Variants in IMMP2L observed in about 807,000 individuals in gnomAD.
IMMP2L encodes inner mitochondrial membrane peptidase subunit 2, also known as mitochondrial inner membrane protease subunit 2.
Under a neutral mutation model 19.3 loss-of-function variants are expected in IMMP2L, and 18 were observed. That is an observed-to-expected ratio of 0.93 (90% confidence interval 0.64 to 1.38). The LOEUF is 1.38. Among genes scored for constraint, IMMP2L ranks in the 40% most tolerant of loss-of-function variants. The pLI is 0.00. For synonymous variants in IMMP2L, 76 were observed against 73.0 expected, an observed-to-expected ratio of 1.04 and a Z score of -0.21; for missense variants, 233 against 218.2, an observed-to-expected ratio of 1.07 and a Z score of -0.43.
At chr7:111,212,864 G>A (rs1477423192) in intron 3 of IMMP2L, among the ~76,000 whole-genome samples, 2 of 152,148 alleles carry the variant, frequency 1.3e-5, no homozygotes, top group South Asian at 2.1e-4. Flanking sequence ...CCCATCTCCT[G>A]CTCTGTCCTT....
At chr7:110,749,128 A>G (rs1325337753) in intron 5 of IMMP2L, among the ~76,000 whole-genome samples, 1 of 152,220 alleles carries the variant, frequency 6.6e-6, no homozygotes, top group African/African-American at 2.4e-5. Flanking sequence ...TTATGCAACC[A>G]ACAAACATAT....
intron 5 of IMMP2L, among the ~76,000 whole-genome samples, chr7:110,873,562 G>C (rs921357141): frequency 6.8e-6 from 1 of 147,718 alleles, no homozygotes; most frequent in African/African-American, 2.5e-5. Context: ...TCAGGAGTTC[G>C]ACACAAGCCT....
chr7:111,558,021 A>G (rs1400441597), intron 1 of IMMP2L, among the ~76,000 whole-genome samples: 2 of 152,156 alleles, frequency 1.3e-5, no homozygotes, highest in Non-Finnish European at 2.9e-5. Context: ...AAATAGAAAA[A>G]TATGGTTATT....
At chr7:111,007,403 C>T (rs567489108) in intron 3 of IMMP2L, among the ~76,000 whole-genome samples, 14 of 152,142 alleles carry the variant, frequency 9.2e-5, no homozygotes, top group African/African-American at 3.4e-4. Flanking sequence ...GGGTCAGCAC[C>T]ATTTGACACA....
intron 3 of IMMP2L, among the ~76,000 whole-genome samples, chr7:111,181,539 T>C (rs935544512): frequency 6.6e-6 from 1 of 151,958 alleles, no homozygotes; most frequent in Non-Finnish European, 1.5e-5. Context: ...GCCCCACATA[T>C]ATAGCTACTA....
chr7:110,939,356 AT>A (rs777225575), intron 4 of IMMP2L, among the ~76,000 whole-genome samples: 1 of 139,044 alleles, frequency 7.2e-6, no homozygotes, highest in Non-Finnish European at 1.5e-5. Context: ...GTTTGGCCAG[AT>A]TTTTAAAACC....
chr7:111,110,409 T>C (rs898883720), intron 3 of IMMP2L, among the ~76,000 whole-genome samples: 5 of 152,168 alleles, frequency 3.3e-5, no homozygotes, highest in African/African-American at 1.2e-4. Context: ...TGAAATAATA[T>C]CTTATCTTCC....
intron 5 of IMMP2L, among the ~76,000 whole-genome samples, chr7:110,850,159 CA>C (rs1563023521): frequency 1.3e-5 from 2 of 151,834 alleles, no homozygotes; most frequent in Non-Finnish European, 2.9e-5. Context: ...AGCTATATAT[CA>C]GCAATTAGGG....
chr7:111,526,855 G>C (rs1378178164), intron 1 of IMMP2L, among the ~76,000 whole-genome samples: 2 of 152,178 alleles, frequency 1.3e-5, no homozygotes, highest in African/African-American at 4.8e-5. Context: ...CTGCAGGACA[G>C]AAACGGAATG....
At chr7:110,994,124 A>ACT (rs957233249) in intron 3 of IMMP2L, among the ~76,000 whole-genome samples, 1 of 147,830 alleles carries the variant, frequency 6.8e-6, no homozygotes, top group South Asian at 2.1e-4. Context: ...AGTATTCATT[A>ACT]CTCTCTCTCT....
At chr7:110,742,270 A>G (rs1237581572) in intron 5 of IMMP2L, among the ~76,000 whole-genome samples, 3 of 152,230 alleles carry the variant, frequency 2.0e-5, no homozygotes, top group Admixed American at 6.5e-5. Context: ...CACAATGGCA[A>G]TAACATAACC....
At chr7:111,028,591 A>G (rs1827096765) in intron 3 of IMMP2L, among the ~76,000 whole-genome samples, 1 of 152,176 alleles carries the variant, frequency 6.6e-6, no homozygotes. Flanking sequence ...ACAGGTTATT[A>G]AATACACCAT....
chr7:110,953,466 G>A (rs1033945654), intron 4 of IMMP2L, among the ~76,000 whole-genome samples: 5 of 152,060 alleles, frequency 3.3e-5, no homozygotes, highest in African/African-American at 1.2e-4. Flanking sequence ...ATGGTTTCCA[G>A]CTTCATCCAT....
At chr7:111,335,119 G>GA (rs1826267143) in intron 3 of IMMP2L, among the ~76,000 whole-genome samples, 1 of 152,094 alleles carries the variant, frequency 6.6e-6, no homozygotes, top group East Asian at 1.9e-4. Flanking sequence ...ACTGGCATAA[G>GA]AAGCAGAGGA....
At chr7:110,793,327 C>T (rs1024221480) in intron 5 of IMMP2L, among the ~76,000 whole-genome samples, 10 of 151,596 alleles carry the variant, frequency 6.6e-5, no homozygotes, top group Admixed American at 6.6e-4. Context: ...GGCTGAGGCA[C>T]GAGAATGGCT....
chr7:111,065,731 C>T (rs766127204), intron 3 of IMMP2L, among the ~76,000 whole-genome samples: 1 of 152,172 alleles, frequency 6.6e-6, no homozygotes, highest in Non-Finnish European at 1.5e-5. Context: ...CTCCTGTTCT[C>T]GAACATTGGA....
intron 3 of IMMP2L, among the ~76,000 whole-genome samples, chr7:111,361,585 CA>C (rs1829265677): frequency 6.6e-6 from 1 of 152,046 alleles, no homozygotes; most frequent in South Asian, 2.1e-4. Context: ...CGAAACTCAA[CA>C]AAACATTTAC....
Position 110,728,304 on chromosome 7 carries a change from GC to G in IMMP2L, c.409-64584del. Among the ~76,000 whole-genome samples the G allele has an allele frequency of 6.6e-6, 1 of 152,176 alleles. No homozygotes were observed. The highest frequency in any genetic ancestry group is 2.1e-4 in the South Asian group (1 of 4,814). Reference sequence around the variant, plus strand: ...GCTTGAGCTCAGGAGTTTGAAACCAGCCTGGGCAACATGGCAAAACCCTGTA... The same window carrying G: ...GCTTGAGCTCAGGAGTTTGAAACCAGCTGGGCAACATGGCAAAACCCTGTA... On this transcript the variant is annotated intron_variant, in intron 5 of 5. Coordinates refer to ENST00000405709, the MANE Select transcript of IMMP2L (RefSeq NM_032549.4). This position sits in a 1 kb window ranked among gnomAD's most constrained non-coding sequence, Gnocchi z 4.6.
chr7:110,892,491 T>C (rs905196683), intron 4 of IMMP2L, among the ~76,000 whole-genome samples: 41 of 152,170 alleles, frequency 2.7e-4, no homozygotes, highest in African/African-American at 9.9e-4. Flanking sequence ...CGGCACTTTG[T>C]ATGCCTTCGC....
Sources: allele counts gnomAD v4.1 joint callset (sites outside exome capture counted in the v4.1 genomes callset), GRCh38; gene constraint gnomAD v4.1.1; non-coding constraint Gnocchi (gnomAD v3.1); transcripts MANE v1.5; gene names NCBI Gene and HGNC (gene_info 2026-07-23, HGNC 2026-07-21).